MICU2: variants seen among roughly 807,000 people sequenced by gnomAD.
The protein encoded by MICU2 is mitochondrial calcium uptake 2, also known as calcium uptake protein 2, mitochondrial.
MICU2 carries 64 observed loss-of-function variants against 60.4 expected under a neutral mutation model. That is an observed-to-expected ratio of 1.06 (90% CI 0.87 to 1.31). The LOEUF (loss-of-function observed/expected upper bound fraction) is 1.31, where lower values mean the gene tolerates loss of function less well. Ranked by LOEUF, MICU2 falls within the 50% of genes most tolerant of loss-of-function variation. MICU2 has a pLI of 0.00. For missense variants in MICU2, 569 were observed against 531.0 expected (o/e 1.07, Z -0.70); for synonymous variants, 201 against 175.0 (o/e 1.15, Z -1.17).
chr13:21,503,354 T>G (rs1288775174), intron 8 of MICU2, among the ~76,000 whole-genome samples: 2 of 152,194 alleles, frequency 1.3e-5, no homozygotes, highest in Non-Finnish European at 2.9e-5. Flanking sequence ...GCAACCTACA[T>G]TCTGATAAAC....
chr13:21,499,898 G>A (rs1277046232), intron 9 of MICU2, among the ~76,000 whole-genome samples: 1 of 152,094 alleles, frequency 6.6e-6, no homozygotes, highest in African/African-American at 2.4e-5. Flanking sequence ...GGTGGTATGC[G>A]CCTGTAATCC....
chr13:21,584,752 C>T (rs1179757490), intron 1 of MICU2, among the ~76,000 whole-genome samples: 1 of 152,088 alleles, frequency 6.6e-6, no homozygotes, highest in African/African-American at 2.4e-5. Context: ...TACTAATTTA[C>T]TCTACCAAAT....
chr13:21,500,117 T>C (rs553216628), intron 9 of MICU2, among the ~76,000 whole-genome samples: 50 of 150,900 alleles, frequency 3.3e-4, no homozygotes, highest in Non-Finnish European at 6.2e-4. Flanking sequence ...GTGAATCTGC[T>C]GTGTGGGCAG....
chr13:21,499,728 CATCT>C (rs1246056325), intron 9 of MICU2, among the ~76,000 whole-genome samples: 1 of 150,998 alleles, frequency 6.6e-6, no homozygotes, highest in Admixed American at 6.6e-5. Context: ...CGTTTCTGTA[CATCT>C]ATCAGAGGCA....
intron 4 of MICU2, among the ~76,000 whole-genome samples, chr13:21,531,608 T>C (rs1385028301): frequency 6.6e-6 from 1 of 152,204 alleles, no homozygotes; most frequent in Non-Finnish European, 1.5e-5. Flanking sequence ...TCCCTTAGCA[T>C]CAACTCTTCC....
chr13:21,517,789 ACACACACACACG>A (rs1042586062), intron 6 of MICU2, among the ~76,000 whole-genome samples: 1 of 96,090 alleles, frequency 1.0e-5, no homozygotes. Flanking sequence ...ACACACACAC[ACACACACACACG>A]CGCGCGCGCG....
chr13:21,530,197 CCA>C (rs747133126), intron 4 of MICU2, among the ~76,000 whole-genome samples: 15 of 152,166 alleles, frequency 9.9e-5, no homozygotes, highest in Non-Finnish European at 1.8e-4. Context: ...GATTTTCCTC[CCA>C]CAGCCACTGC....
Position 21,495,260 on chromosome 13 carries a change from C to G in MICU2, c.1101G>C (p.Leu367Phe). Residue 367 changes from leucine to phenylalanine, a missense_variant, in exon 11 of 12, where the codon TTG becomes TTC. Coordinates refer to ENST00000382374, the MANE Select transcript of MICU2 (RefSeq NM_152726.3). ...ATGQELSNNI[L>F]DTVFKIFDLD... ...AATCAAAGATCTTAAAGACAGTGTC[C>G]AAAATATTGTTTGAGAGTTCTTGTC... 6.2e-7 allele frequency: 1 copy of G among 1,613,008 alleles called. No individual in the cohort carries two copies. The highest frequency in any genetic ancestry group is 1.7e-5 in the Admixed American group (1 of 59,906).
chr13:21,595,182 G>T (rs189754289), intron 1 of MICU2, among the ~76,000 whole-genome samples: 2 of 152,050 alleles, frequency 1.3e-5, no homozygotes, highest in African/African-American at 4.8e-5. Flanking sequence ...ACTGTATACC[G>T]GCTGTCAATT....
At chr13:21,498,767 C>T (rs1310017852) in intron 9 of MICU2, among the ~76,000 whole-genome samples, 2 of 151,858 alleles carry the variant, frequency 1.3e-5, no homozygotes, top group East Asian at 1.9e-4. Flanking sequence ...TATTTCTGTA[C>T]CTTGCTTTAT....
chr13:21,525,383 A>G (rs1886826087), intron 4 of MICU2, among the ~76,000 whole-genome samples: 1 of 151,354 alleles, frequency 6.6e-6, no homozygotes, highest in Non-Finnish European at 1.5e-5. Flanking sequence ...TAGTAGAGAC[A>G]GGTTTCACCA....
intron 2 of MICU2, among the ~76,000 whole-genome samples, chr13:21,560,056 G>T (rs1361895917): frequency 1.3e-5 from 2 of 151,860 alleles, no homozygotes; most frequent in Non-Finnish European, 2.9e-5. Context: ...TAAAAAAATT[G>T]TCTTTTTCTT....
intron 1 of MICU2, among the ~76,000 whole-genome samples, chr13:21,603,137 G>A (rs987685550): frequency 6.6e-6 from 1 of 151,606 alleles, no homozygotes; most frequent in African/African-American, 2.4e-5. Context: ...AGTAGAGACC[G>A]GGGGGGCGGG....
At chr13:21,543,596 A>G (rs565973469) in intron 2 of MICU2, among the ~76,000 whole-genome samples, 122 of 152,272 alleles carry the variant, frequency 8.0e-4, no homozygotes, top group African/African-American at 2.7e-3. Context: ...AACAAATGGG[A>G]ATAAATTTAA....
chr13:21,545,226 T>A (rs1005214397), intron 2 of MICU2, among the ~76,000 whole-genome samples: 19 of 152,134 alleles, frequency 1.2e-4, no homozygotes, highest in African/African-American at 4.3e-4. Context: ...AATGAAAATG[T>A]GGTATATGCA....
At chr13:21,568,606 A>C (rs1888036422) in intron 1 of MICU2, among the ~76,000 whole-genome samples, 1 of 152,174 alleles carries the variant, frequency 6.6e-6, no homozygotes, top group Non-Finnish European at 1.5e-5. Flanking sequence ...AAAATAAACA[A>C]ACTCTTCTTT....
chr13:21,539,918 C>T lies in MICU2; in HGVS notation c.359-230G>A, dbSNP rs185096422. ...CACAAGATCCATTTTCAATTTCACT[C>T]ACCCTATTTCATACATATGAAATTG... On this transcript the variant is annotated intron_variant, in intron 2 of 11. Transcript: ENST00000382374. Among the ~76,000 whole-genome samples, 322 of 152,296 alleles carry T rather than the reference C, an allele frequency of 2.1e-3. 1 individual carries two copies. The highest frequency in any genetic ancestry group is 7.5e-3 in the African/African-American group (312 of 41,564).
intron 6 of MICU2, among the ~76,000 whole-genome samples, chr13:21,517,956 T>C (rs1419539549): frequency 6.6e-6 from 1 of 152,222 alleles, no homozygotes; most frequent in African/African-American, 2.4e-5. Flanking sequence ...CTATGGGTAA[T>C]CAACTTTAGT....
At chr13:21,576,152 A>G (rs1888223213) in intron 1 of MICU2, among the ~76,000 whole-genome samples, 1 of 152,162 alleles carries the variant, frequency 6.6e-6, no homozygotes, top group Admixed American at 6.6e-5. Flanking sequence ...TGACATTTTG[A>G]TTTCTTACTT....
Sources: allele counts gnomAD v4.1 joint callset (sites outside exome capture counted in the v4.1 genomes callset), GRCh38; gene constraint gnomAD v4.1.1; transcripts MANE v1.5; gene names NCBI Gene and HGNC (gene_info 2026-07-23, HGNC 2026-07-21).